The following ACYP2 variants were observed in gnomAD, a reference collection of about 807,000 sequenced individuals.
The protein encoded by ACYP2 is acylphosphatase-2.
In ACYP2, 12 loss-of-function variants were observed where a neutral mutation model predicts 11.2. That is an observed-to-expected ratio of 1.08 (90% CI 0.69 to 1.74). ACYP2 has a LOEUF of 1.74. Among genes scored for constraint, ACYP2 ranks in the 40% most tolerant of loss-of-function variants. ACYP2 has a pLI of 0.00. For synonymous variants in ACYP2, 43 were observed against 32.2 expected, an observed-to-expected ratio of 1.33 and a Z score of -1.13; for missense variants, 134 against 101.9, an observed-to-expected ratio of 1.31 and a Z score of -1.35.
At chr2:54,188,424 T>C (rs1221976989) in intron 6 of ACYP2, among the ~76,000 whole-genome samples, 3 of 152,144 alleles carry the variant, frequency 2.0e-5, no homozygotes, top group Non-Finnish European at 4.4e-5. Flanking sequence ...TTAAGGAAAT[T>C]AGAAGATGCT....
At chr2:54,266,160 C>G (rs1365834232) in intron 6 of ACYP2, among the ~76,000 whole-genome samples, 1 of 152,084 alleles carries the variant, frequency 6.6e-6, no homozygotes, top group Admixed American at 6.5e-5. Flanking sequence ...TAATGGAAAC[C>G]TCATATACTA....
At chr2:53,990,574 G>A (rs1346385979) in intron 2 of ACYP2, among the ~76,000 whole-genome samples, 17 of 150,248 alleles carry the variant, frequency 1.1e-4, no homozygotes, top group African/African-American at 3.2e-4. Context: ...TGTTGAACCC[G>A]GGAGGTGCAG....
intron 6 of ACYP2, among the ~76,000 whole-genome samples, chr2:54,245,846 C>A (rs570825755): frequency 3.3e-5 from 5 of 151,958 alleles, no homozygotes; most frequent in African/African-American, 1.2e-4. Context: ...TTTTGATGTG[C>A]GGAAGCTTTT....
At chr2:54,037,687 G>A (rs187879339) in intron 2 of ACYP2, among the ~76,000 whole-genome samples, 41 of 152,204 alleles carry the variant, frequency 2.7e-4, no homozygotes, top group Middle Eastern at 6.8e-3. Flanking sequence ...GGATTACAGG[G>A]GTGAGCCATA....
chr2:54,201,866 G>A (rs1022253961), intron 6 of ACYP2, among the ~76,000 whole-genome samples: 12 of 151,144 alleles, frequency 7.9e-5, no homozygotes, highest in Non-Finnish European at 1.5e-5. Flanking sequence ...GCGCCCCCAC[G>A]CCTGGCTAAT....
At chr2:54,247,527 T>A (rs843645) in intron 6 of ACYP2, among the ~76,000 whole-genome samples, 1 of 152,170 alleles carries the variant, frequency 6.6e-6, no homozygotes, top group Non-Finnish European at 1.5e-5. Context: ...CTACTGTATC[T>A]TATATTCATT....
chr2:54,269,474 C>A (rs1220041818), intron 6 of ACYP2, among the ~76,000 whole-genome samples: 1 of 152,200 alleles, frequency 6.6e-6, no homozygotes, highest in African/African-American at 2.4e-5. Flanking sequence ...ACTGATGACA[C>A]TGATATCCCA....
intron 6 of ACYP2, among the ~76,000 whole-genome samples, chr2:54,192,475 A>C (rs1043935468): frequency 6.6e-6 from 1 of 152,136 alleles, no homozygotes; most frequent in African/African-American, 2.4e-5. Flanking sequence ...CGAAAGTCTG[A>C]GCACTGTTTA....
chr2:53,994,723 T>C (rs1360784316), intron 2 of ACYP2, among the ~76,000 whole-genome samples: 2 of 152,170 alleles, frequency 1.3e-5, no homozygotes, highest in Non-Finnish European at 2.9e-5. Context: ...TCAAAACTAC[T>C]ATAGGATAGC....
intron 6 of ACYP2, among the ~76,000 whole-genome samples, chr2:54,194,935 T>C (rs1405573025): frequency 1.3e-5 from 2 of 152,216 alleles, no homozygotes; most frequent in Non-Finnish European, 2.9e-5. Context: ...TTTTAGGATG[T>C]TGTGTTTTCT....
At chr2:54,148,420 A>G (rs757161761) in intron 6 of ACYP2, among the ~76,000 whole-genome samples, 1 of 152,228 alleles carries the variant, frequency 6.6e-6, no homozygotes, top group Non-Finnish European at 1.5e-5. Context: ...AAATTAAGCG[A>G]GAAAATCCAT....
chr2:53,975,480 C>T (rs1357601751), intron 2 of ACYP2: 24 of 385,192 alleles, frequency 6.2e-5, no homozygotes, highest in Non-Finnish European at 4.6e-6. Flanking sequence ...ATTTTCTCTT[C>T]TCAGTCCAAC....
At chr2:54,301,394 C>A (rs72901535) in intron 6 of ACYP2, among the ~76,000 whole-genome samples, 57 of 152,222 alleles carry the variant, frequency 3.7e-4, no homozygotes, top group African/African-American at 1.3e-3. Context: ...ATTCCCTTCT[C>A]CCTTTATATA....
intron 6 of ACYP2, among the ~76,000 whole-genome samples, chr2:54,276,299 T>G (rs770314959): frequency 6.6e-6 from 1 of 152,166 alleles, no homozygotes; most frequent in Non-Finnish European, 1.5e-5. Context: ...GTCTGGTGTC[T>G]CCATGTTGTT....
At chr2:54,051,342 C>G in intron 3 of ACYP2, 1 of 762,922 alleles carries the variant, frequency 1.3e-6, no homozygotes, top group Middle Eastern at 2.9e-4. Context: ...TTAAGAAGTG[C>G]TCAGAGAGGT....
chr2:54,263,908 CAAACAGTG>C (rs1687895976), intron 6 of ACYP2, among the ~76,000 whole-genome samples: 1 of 43,908 alleles, frequency 2.3e-5, no homozygotes, highest in South Asian at 8.2e-4. Context: ...CAAATCCAAA[CAAACAGTG>C]AGCACAGGAA....
intron 1 of ACYP2, among the ~76,000 whole-genome samples, chr2:53,973,512 T>C (rs999510240): frequency 6.6e-6 from 1 of 152,186 alleles, no homozygotes; most frequent in Non-Finnish European, 1.5e-5. Flanking sequence ...ATGTACTTTG[T>C]AATCTCCCCC....
chr2:54,293,903 T>C (rs1689417186), intron 6 of ACYP2, among the ~76,000 whole-genome samples: 1 of 152,342 alleles, frequency 6.6e-6, no homozygotes, highest in East Asian at 1.9e-4. Flanking sequence ...TGTAACTGAA[T>C]AAAGAAACTT....
At chr2:54,113,624 G>A (rs1317765427) in intron 4 of ACYP2, among the ~76,000 whole-genome samples, 1 of 152,108 alleles carries the variant, frequency 6.6e-6, no homozygotes, top group African/African-American at 2.4e-5. Context: ...ATGGCTGACT[G>A]TACTAGTGGG....
Sources: allele counts gnomAD v4.1 joint callset (sites outside exome capture counted in the v4.1 genomes callset), GRCh38; gene constraint gnomAD v4.1.1; transcripts MANE v1.5; gene names NCBI Gene and HGNC (gene_info 2026-07-23, HGNC 2026-07-21).